DLG2: variants seen among roughly 807,000 people sequenced by gnomAD.
The protein encoded by DLG2 is discs large MAGUK scaffold protein 2.
Under a neutral mutation model 132.5 loss-of-function variants are expected in DLG2, and 45 were observed. The ratio of observed to expected loss-of-function variants is 0.34; its 90% CI spans 0.27 to 0.44. DLG2 has a LOEUF of 0.44. Among genes scored for constraint, DLG2 ranks in the 20% least tolerant of loss-of-function variants. The pLI is 1.00. For synonymous variants in DLG2, 424 were observed against 419.6 expected (o/e 1.01, Z -0.13); for missense variants, 1,045 against 1,196.9 (o/e 0.87, Z 1.87).
chr11:84,549,979 C>A (rs1011453791), intron 6 of DLG2, among the ~76,000 whole-genome samples: 21 of 152,172 alleles, frequency 1.4e-4, no homozygotes, highest in African/African-American at 5.1e-4. Context: ...TGGCCTCGAA[C>A]TCCTGGCCTC....
intron 6 of DLG2, among the ~76,000 whole-genome samples, chr11:84,542,809 C>T (rs2099379392): frequency 6.6e-6 from 1 of 152,150 alleles, no homozygotes; most frequent in Non-Finnish European, 1.5e-5. Context: ...CATCTCAAGG[C>T]TGTAGAAATT....
At chr11:84,818,209 C>A (rs10792782) in intron 6 of DLG2, among the ~76,000 whole-genome samples, 68,211 of 151,810 alleles carry the variant, frequency 0.45, 16,480 homozygotes, top group Middle Eastern at 0.55. Context: ...GCATTCTGCC[C>A]TTAGGAAATT....
intron 9 of DLG2, among the ~76,000 whole-genome samples, chr11:84,127,639 G>T (rs79896910): frequency 6.6e-6 from 1 of 151,924 alleles, no homozygotes; most frequent in Non-Finnish European, 1.5e-5. Context: ...CTCACTATGC[G>T]GCCCAGGCTG....
At chr11:84,059,954 A>AT (rs1483232964) in intron 10 of DLG2, among the ~76,000 whole-genome samples, 1 of 152,310 alleles carries the variant, frequency 6.6e-6, no homozygotes, top group East Asian at 1.9e-4. Flanking sequence ...ATAAGTAATC[A>AT]TTTTCAAATA....
intron 7 of DLG2, among the ~76,000 whole-genome samples, chr11:84,285,854 T>C (rs183931362): frequency 1.5e-3 from 235 of 152,352 alleles, no homozygotes; most frequent in Admixed American, 2.5e-3. Flanking sequence ...GTATCATCTA[T>C]ATATAGATAG....
intron 18 of DLG2, among the ~76,000 whole-genome samples, chr11:83,715,772 C>T (rs961217444): frequency 7.9e-5 from 12 of 152,182 alleles, no homozygotes; most frequent in African/African-American, 2.7e-4. Flanking sequence ...TATTGAACTA[C>T]TTTCACTTCC....
At chr11:83,734,163 A>G (rs1051035521) in intron 18 of DLG2, among the ~76,000 whole-genome samples, 7 of 152,076 alleles carry the variant, frequency 4.6e-5, no homozygotes, top group African/African-American at 7.2e-5. Flanking sequence ...ACATCTCTCT[A>G]TATGTATCAC....
At chr11:85,458,499 C>T (rs767428579) in intron 3 of DLG2, among the ~76,000 whole-genome samples, 2 of 152,214 alleles carry the variant, frequency 1.3e-5, no homozygotes, top group African/African-American at 2.4e-5. Context: ...TTTGGAGACA[C>T]TGGCTTTTTG....
At chr11:83,973,820 T>C (rs1231644245) in intron 12 of DLG2, among the ~76,000 whole-genome samples, 3 of 152,100 alleles carry the variant, frequency 2.0e-5, no homozygotes, top group African/African-American at 7.2e-5. Context: ...GAGATTCAAA[T>C]GTGTAACCAA....
chr11:85,152,750 G>A (rs1248187165), intron 5 of DLG2, among the ~76,000 whole-genome samples: 4 of 152,142 alleles, frequency 2.6e-5, no homozygotes, highest in African/African-American at 4.8e-5. Flanking sequence ...ACTCTTACAC[G>A]ATTCTTCCTT....
rs1220245344 is a variant in DLG2, at chr11:84,832,312, G to C, written c.357+279349C>G. 2.0e-5 allele frequency among the ~76,000 whole-genome samples: 3 copies of C among 151,602 alleles called. No individual in the cohort carries two copies. In the East Asian group the frequency reaches 5.8e-4, roughly 30 times the overall value. ...CTCAGGTTTTGTAAGACTGATTTAG[G>C]TTCAGAAGCAACAAACCCTTTTGGT... On this transcript the variant is annotated intron_variant, in intron 6 of 27. Coordinates refer to ENST00000376104, the MANE Select transcript of DLG2 (RefSeq NM_001142699.3).
At chr11:83,725,616 A>G (rs2089856677) in intron 18 of DLG2, among the ~76,000 whole-genome samples, 1 of 152,226 alleles carries the variant, frequency 6.6e-6, no homozygotes, top group Non-Finnish European at 1.5e-5. Flanking sequence ...TGAACCAGGA[A>G]AACTTGTAAT....
intron 6 of DLG2, among the ~76,000 whole-genome samples, chr11:84,679,667 C>T (rs1421790588): frequency 2.0e-5 from 3 of 152,084 alleles, no homozygotes; most frequent in Non-Finnish European, 4.4e-5. Flanking sequence ...ATGTCAAAGT[C>T]TGTTCTAAAC....
At chr11:84,453,464 AT>A (rs1209529898) in intron 7 of DLG2, among the ~76,000 whole-genome samples, 1 of 151,638 alleles carries the variant, frequency 6.6e-6, no homozygotes. Context: ...TGGGAACCAG[AT>A]AAAAGATGAT....
intron 2 of DLG2, among the ~76,000 whole-genome samples, chr11:85,599,242 C>G (rs1396179489): frequency 6.6e-6 from 1 of 152,058 alleles, no homozygotes; most frequent in African/African-American, 2.4e-5. Flanking sequence ...TACTGGATTA[C>G]TCACTTTTCC....
chr11:83,482,104 T>C (rs2093165895), intron 22 of DLG2, among the ~76,000 whole-genome samples: 1 of 152,096 alleles, frequency 6.6e-6, no homozygotes, highest in Non-Finnish European at 1.5e-5. Flanking sequence ...ATATTCCATA[T>C]AGTAACTCAA....
At chr11:84,718,318 T>C (rs2061444624) in intron 6 of DLG2, among the ~76,000 whole-genome samples, 1 of 152,128 alleles carries the variant, frequency 6.6e-6, no homozygotes, top group African/African-American at 2.4e-5. Context: ...ACATAGGTGT[T>C]TCACTCTATT....
chr11:83,929,185 G>C (rs2079642872), intron 15 of DLG2, among the ~76,000 whole-genome samples: 1 of 152,126 alleles, frequency 6.6e-6, no homozygotes, highest in Non-Finnish European at 1.5e-5. Context: ...CTCTCCTAGA[G>C]AGAACAGTAA....
At chr11:84,713,084 C>A in intron 6 of DLG2, among the ~76,000 whole-genome samples, 1 of 152,048 alleles carries the variant, frequency 6.6e-6, no homozygotes, top group East Asian at 1.9e-4. Context: ...CATCAGTGTA[C>A]CTTACATTCA....
Sources: gnomAD v4.1 joint callset for allele counts (sites outside exome capture counted in the v4.1 genomes callset) on GRCh38, gnomAD v4.1.1 for gene constraint, MANE v1.5 for transcripts, NCBI Gene and HGNC (gene_info 2026-07-23, HGNC 2026-07-21) for gene names.